The following SCN3A variants were observed in gnomAD, a reference collection of about 807,000 sequenced individuals.
SCN3A encodes sodium voltage-gated channel alpha subunit 3.
In SCN3A, 60 loss-of-function variants were observed where a neutral mutation model predicts 187.6. That is an observed-to-expected ratio of 0.32 (90% CI 0.26 to 0.40). The LOEUF (loss-of-function observed/expected upper bound fraction) is 0.40, where lower values mean the gene tolerates loss of function less well. Ranked by LOEUF, SCN3A falls within the 10% of genes least tolerant of loss-of-function variation. The pLI, the probability that SCN3A is intolerant of heterozygous loss-of-function variation, is 1.00. For synonymous variants in SCN3A, 788 were observed against 829.2 expected, an observed-to-expected ratio of 0.95 and a Z score of 0.85; for missense variants, 1,601 against 2,428.2, an observed-to-expected ratio of 0.66 and a Z score of 7.16.
At chr2:165,108,594 T>C (rs1340865718) in intron 21 of SCN3A, among the ~76,000 whole-genome samples, 1 of 152,190 alleles carries the variant, frequency 6.6e-6, no homozygotes, top group African/African-American at 2.4e-5. Flanking sequence ...GAAGTTTTTA[T>C]GAGAGATGCT....
Position 165,137,874 on chromosome 2 carries a change from C to T in SCN3A, c.2391+5G>A. On this transcript the variant is annotated splice_donor_5th_base_variant and intron_variant, in intron 15 of 27. Transcript: ENST00000283254. ...AGTAAATAAGTAAACTTCAAATGTA[C>T]TTACCAGGTTTCCTACAGTCAACAC... The T allele has an allele frequency of 6.3e-7, 1 of 1,591,952 alleles. No individual in the cohort carries two copies. Among genetic ancestry groups the T allele is most frequent in the Non-Finnish European group, 8.6e-7 (1 of 1,160,118 alleles).
At chr2:165,091,545 A>G (rs1253396153) in intron 27 of SCN3A, among the ~76,000 whole-genome samples, 200 bp from the exon 28 acceptor site, 2 of 152,218 alleles carry the variant, frequency 1.3e-5, no homozygotes, top group Admixed American at 6.5e-5. Context: ...AACCAATATG[A>G]ATTTTTGCAA....
chr2:165,171,706 C>T (rs1690110678), intron 3 of SCN3A, among the ~76,000 whole-genome samples: 1 of 152,022 alleles, frequency 6.6e-6, no homozygotes. Context: ...TTCTCTTTAC[C>T]AGTAAGTCTT....
chr2:165,162,525 A>T (rs764312643), intron 8 of SCN3A, 31 bp downstream of exon 8: 2 of 1,613,618 alleles, frequency 1.2e-6, no homozygotes, highest in Non-Finnish European at 1.7e-6. Context: ...ATTCAGCAAC[A>T]CTAAGGTTAA....
Position 165,092,810 on chromosome 2 carries a change from A to G in SCN3A, c.4537-286T>C, listed in dbSNP as rs1348845589. 1 of 354,426 alleles carries G rather than the reference A, an allele frequency of 2.8e-6. No homozygotes were observed. The allele number at this position is 354,426 out of a possible 1,614,324, so 22.0% of individuals were successfully genotyped here. A position where few individuals can be genotyped will look rare whatever the true frequency, so the allele number is the denominator to read the frequency against. ...GGCAACTCATGCCTGTAATTCCAGCACTTTAGGAGGCTGAGACTGGAGGCT... is the reference window on the plus strand; with the variant it reads ...GGCAACTCATGCCTGTAATTCCAGCGCTTTAGGAGGCTGAGACTGGAGGCT... On this transcript the variant is annotated intron_variant, in intron 26 of 27. Coordinates refer to ENST00000283254, the MANE Select transcript of SCN3A (RefSeq NM_006922.4). This position sits in a 1 kb window ranked among gnomAD's most constrained non-coding sequence, Gnocchi z 4.2.
chr2:165,125,518 C>T (rs1011277216), intron 18 of SCN3A, among the ~76,000 whole-genome samples: 15 of 152,050 alleles, frequency 9.9e-5, no homozygotes, highest in Non-Finnish European at 1.5e-4. Flanking sequence ...AGGGTTTCAC[C>T]GTACTAGCTA....
At chr2:165,194,352 A>T (rs1691804946) in intron 1 of SCN3A, among the ~76,000 whole-genome samples, 4 of 152,094 alleles carry the variant, frequency 2.6e-5, no homozygotes, top group African/African-American at 7.2e-5. Context: ...TACTAGGCTT[A>T]CTCCAAATGT....
At chr2:165,128,324 A>C (rs969459126) in intron 17 of SCN3A, among the ~76,000 whole-genome samples, 12 of 151,988 alleles carry the variant, frequency 7.9e-5, no homozygotes, top group Admixed American at 5.9e-4. Context: ...TTTTTTTCCT[A>C]TTGGGAGGGA....
intron 2 of SCN3A, among the ~76,000 whole-genome samples, chr2:165,178,490 A>G (rs4667797): frequency 0.24 from 36,804 of 152,158 alleles, 5,482 homozygotes; most frequent in East Asian, 0.52. Context: ...TCGGCCTCCC[A>G]AAGTGCTAGG....
At chr2:165,156,901 G>A (rs115367378) in intron 9 of SCN3A, among the ~76,000 whole-genome samples, 1,712 of 151,624 alleles carry the variant, frequency 0.011, 27 homozygotes, top group Middle Eastern at 0.044. Flanking sequence ...GATTTCATCA[G>A]TTTTTTTCTT....
In SCN3A at chr2:165,162,701, C is replaced by G; in HGVS notation, c.822G>C (p.Arg274Ser). Residue 274 changes from arginine (R) to serine (S), a missense_variant, in exon 8 of 28, where the codon AGG (arginine) becomes AGC (serine). This residue lies in a region of SCN3A where 104 missense variants were observed against 102.7 expected (regional missense o/e 1.01). Transcript: ENST00000283254. ...TTGGGGGCCACTGCAAACATTTATT[C>G]CTCAGATTGCCCATGAACAGCTGCA... ...IGLQLFMGNL[R>S]NKCLQWPPSD... The G allele has an allele frequency of 6.2e-7, 1 of 1,614,102 alleles. No individual in the cohort carries two copies. Among genetic ancestry groups the G allele is most frequent in the South Asian group, 1.1e-5 (1 of 91,076 alleles).
At chr2:165,163,864 T>C (rs776026412) in intron 6 of SCN3A, 155 bp from the exon 7 acceptor site, 1 of 1,613,844 alleles carries the variant, frequency 6.2e-7, no homozygotes, top group South Asian at 1.1e-5. Context: ...GGCTGAAACA[T>C]TGCCTAGGCT....
intron 21 of SCN3A, among the ~76,000 whole-genome samples, chr2:165,104,658 A>G (rs1685764398): frequency 6.6e-6 from 1 of 152,092 alleles, no homozygotes; most frequent in South Asian, 2.1e-4. Context: ...AATCAATATG[A>G]AAAATTTATA....
chr2:165,153,370 T>G (rs1688811784), intron 11 of SCN3A, among the ~76,000 whole-genome samples: 2 of 152,126 alleles, frequency 1.3e-5, no homozygotes, highest in South Asian at 4.1e-4. Flanking sequence ...ACTCATGGTG[T>G]TGACTTGGCA....
At chr2:165,134,750 A>G (rs1212523523) in intron 15 of SCN3A, among the ~76,000 whole-genome samples, 1 of 152,080 alleles carries the variant, frequency 6.6e-6, no homozygotes, top group African/African-American at 2.4e-5. Flanking sequence ...TATTTCATGT[A>G]TAAAACTTTT....
At chr2:165,098,872 C>T (rs573334932) in intron 22 of SCN3A, among the ~76,000 whole-genome samples, 2 of 152,170 alleles carry the variant, frequency 1.3e-5, no homozygotes, top group South Asian at 4.2e-4. Context: ...TGCTATCTCC[C>T]CTCATAAATG....
chr2:165,144,592 C>T (rs908045578), intron 12 of SCN3A, among the ~76,000 whole-genome samples: 2 of 152,104 alleles, frequency 1.3e-5, no homozygotes, highest in Admixed American at 1.3e-4. Context: ...CTTTCTTTGC[C>T]TCCTCCAAAT....
chr2:165,173,531 C>T (rs1690253406), intron 3 of SCN3A, among the ~76,000 whole-genome samples: 1 of 152,170 alleles, frequency 6.6e-6, no homozygotes, highest in African/African-American at 2.4e-5. Flanking sequence ...ATCACTGTCA[C>T]TATTATTAAT....
At chr2:165,200,690 C>T (rs116793108) in intron 1 of SCN3A, among the ~76,000 whole-genome samples, 2,017 of 152,100 alleles carry the variant, frequency 0.013, 64 homozygotes, top group African/African-American at 0.046. Flanking sequence ...ATGAAGCTGA[C>T]AGCGCAGTTA....
Sources: gnomAD v4.1 joint callset for allele counts (sites outside exome capture counted in the v4.1 genomes callset) on GRCh38, gnomAD v4.1.1 for gene constraint, gnomAD v4.1.1 regional missense constraint, Gnocchi (gnomAD v3.1) non-coding constraint, MANE v1.5 for transcripts, NCBI Gene and HGNC (gene_info 2026-07-23, HGNC 2026-07-21) for gene names.